Variants in ZHX2 observed in about 807,000 individuals in gnomAD.
ZHX2 encodes zinc fingers and homeoboxes 2.
Under a neutral mutation model 21.9 loss-of-function variants are expected in ZHX2, and 6 were observed. The observed-to-expected ratio is 0.27, with a 90% confidence interval of 0.15 to 0.54. ZHX2 has a LOEUF of 0.54. Among genes scored for constraint, ZHX2 ranks in the 20% least tolerant of loss-of-function variants. ZHX2 has a pLI of 0.95. For synonymous variants in ZHX2, 434 were observed against 437.1 expected (o/e 0.99, Z 0.09); for missense variants, 908 against 1,090.7 (o/e 0.83, Z 2.36).
intron 1 of ZHX2, among the ~76,000 whole-genome samples, chr8:122,843,423 A>G (rs1381900739): frequency 6.6e-6 from 1 of 152,208 alleles, no homozygotes; most frequent in African/African-American, 2.4e-5. Context: ...CCAGGTTCAG[A>G]CAGGGGTCAT....
chr8:122,916,008 C>T (rs867555886), intron 2 of ZHX2, among the ~76,000 whole-genome samples: 31 of 152,180 alleles, frequency 2.0e-4, no homozygotes, highest in African/African-American at 5.8e-4. Context: ...CTCTAGTTCC[C>T]GGGCCATCTC....
chr8:122,892,680 A>G (rs1223865046), intron 2 of ZHX2, among the ~76,000 whole-genome samples: 1 of 151,454 alleles, frequency 6.6e-6, no homozygotes. Context: ...GTCTTTTTTT[A>G]TTTTTTATTT....
At chr8:122,812,670 C>T (rs1817955095) in intron 1 of ZHX2, among the ~76,000 whole-genome samples, 1 of 152,148 alleles carries the variant, frequency 6.6e-6, no homozygotes, top group Non-Finnish European at 1.5e-5. Context: ...ATGTTAACTA[C>T]AGTATTTCCT....
chr8:122,956,115 G>C (rs1160961769), intron 3 of ZHX2, among the ~76,000 whole-genome samples: 1 of 152,118 alleles, frequency 6.6e-6, no homozygotes, highest in Non-Finnish European at 1.5e-5. Flanking sequence ...AAAGTGCTGG[G>C]ATTACAGGCG....
intron 2 of ZHX2, among the ~76,000 whole-genome samples, chr8:122,895,103 C>T (rs1820066265): frequency 6.6e-6 from 1 of 152,190 alleles, no homozygotes; most frequent in Non-Finnish European, 1.5e-5. Flanking sequence ...TCCCTCATCC[C>T]TCTCCCCAGG....
At chr8:122,817,527 A>C (rs1300608418) in intron 1 of ZHX2, among the ~76,000 whole-genome samples, 1 of 152,208 alleles carries the variant, frequency 6.6e-6, no homozygotes, top group African/African-American at 2.4e-5. Context: ...AGCATGGGAA[A>C]AGGGGGCTGC....
At chr8:122,963,615 T>C (rs1337246279) in intron 3 of ZHX2, among the ~76,000 whole-genome samples, 1 of 152,196 alleles carries the variant, frequency 6.6e-6, no homozygotes, top group African/African-American at 2.4e-5. Flanking sequence ...GGCTCTTTTT[T>C]GGTTTCATAT....
At chr8:122,905,552 G>A (rs1368332186) in intron 2 of ZHX2, among the ~76,000 whole-genome samples, 3 of 152,210 alleles carry the variant, frequency 2.0e-5, no homozygotes. Flanking sequence ...GGAAATGATA[G>A]AAGGATTCTT....
chr8:122,952,584 G>T lies in ZHX2; in HGVS notation c.1074G>T (p.Thr358=). ...LPAQLAPTKV[T]QPILQTALPC... is the part of the protein sequence containing the mutation. ...CCCAGTTGGCCCCCACAAAGGTGAC[G>T]CAGCCCATCCTCCAGACGGCTCTAC... The change falls in exon 3 of 4, where the codon ACG becomes ACT. Residue 358 remains threonine (T), a synonymous_variant. Transcript: ENST00000314393. This position sits in a 1 kb window ranked among gnomAD's most constrained non-coding sequence, Gnocchi z 6.9. 1 of 1,614,132 alleles carries T rather than the reference G, an allele frequency of 6.2e-7. No homozygotes were observed. Among genetic ancestry groups the T allele is most frequent in the Admixed American group, 1.7e-5 (1 of 60,024 alleles).
chr8:122,907,313 C>T (rs1301690284), intron 2 of ZHX2, among the ~76,000 whole-genome samples: 2 of 152,036 alleles, frequency 1.3e-5, no homozygotes, highest in African/African-American at 2.4e-5. Context: ...TACATTGGTT[C>T]GGTCTAGAAA....
chr8:122,938,933 G>T (rs1812772365), intron 2 of ZHX2, among the ~76,000 whole-genome samples: 1 of 152,172 alleles, frequency 6.6e-6, no homozygotes, highest in Non-Finnish European at 1.5e-5. Flanking sequence ...TCAGTGATGG[G>T]GGATATATTT....
chr8:122,822,507 G>A (rs925715261), intron 1 of ZHX2, among the ~76,000 whole-genome samples: 4 of 152,164 alleles, frequency 2.6e-5, no homozygotes, highest in African/African-American at 9.7e-5. Context: ...ACTGCAAATG[G>A]CAGGATTTAC....
chr8:122,953,676 C>T lies in ZHX2; in HGVS notation c.2166C>T (p.Asn722=), dbSNP rs1162453156. The T allele has an allele frequency of 6.2e-6, 10 of 1,614,198 alleles. No individual in the cohort carries two copies. Among genetic ancestry groups the T allele is most frequent in the East Asian group, 2.2e-5 (1 of 44,882 alleles). The change falls in exon 3 of 4, where the codon AAC becomes AAT. Residue 722 remains asparagine, a synonymous_variant. Coordinates refer to ENST00000314393, the MANE Select transcript of ZHX2 (RefSeq NM_014943.5). This position sits in a 1 kb window ranked among gnomAD's most constrained non-coding sequence, Gnocchi z 4.6. The part of the protein sequence containing the change: ...ATKPMAESPK[N]GGDVVPQYYK... The stretch of plus-strand genomic sequence containing the variant: ...AACCCATGGCCGAGAGCCCAAAGAA[C>T]GGGGGTGATGTGGTTCCACAATATT...
chr8:122,964,432 T>C (rs1813529769), intron 3 of ZHX2, among the ~76,000 whole-genome samples: 1 of 152,130 alleles, frequency 6.6e-6, no homozygotes, highest in Non-Finnish European at 1.5e-5. Flanking sequence ...TTTTTTTTAA[T>C]GTGGTGTATC....
intron 1 of ZHX2, among the ~76,000 whole-genome samples, chr8:122,841,318 G>A (rs1398066777): frequency 6.6e-6 from 1 of 152,156 alleles, no homozygotes; most frequent in African/African-American, 2.4e-5. Flanking sequence ...TGTCTTTCCT[G>A]TATTCAATCC....
chr8:122,915,204 G>A (rs919332880), intron 2 of ZHX2, among the ~76,000 whole-genome samples: 1 of 152,228 alleles, frequency 6.6e-6, no homozygotes, highest in African/African-American at 2.4e-5. Context: ...GACAACACTA[G>A]AAGGAGTATC....
At chr8:122,872,064 T>A (rs1819454721) in intron 2 of ZHX2, among the ~76,000 whole-genome samples, 1 of 152,122 alleles carries the variant, frequency 6.6e-6, no homozygotes, top group South Asian at 2.1e-4. Context: ...CTATGAAAAA[T>A]CAGCATAGGC....
In ZHX2 at chr8:122,955,839, A is replaced by ATTTTTTTTTTTTTTTTTTT. The variant is rs540333833; in HGVS notation, c.*4+1816_*4+1834dup. ...CCTCCCTCATTAAAATGAGGGAGTG[A>ATTTTTTTTTTTTTTTTTTT]TTTTTTTTTTTTTTTTTTTTTTTGA... On this transcript the variant is annotated intron_variant, in intron 3 of 3. Coordinates refer to ENST00000314393, the MANE Select transcript of ZHX2 (RefSeq NM_014943.5). Among the ~76,000 whole-genome samples, 13 of 104,902 alleles carry ATTTTTTTTTTTTTTTTTTT rather than the reference A, an allele frequency of 1.2e-4. 1 individual carries two copies. Among genetic ancestry groups the ATTTTTTTTTTTTTTTTTTT allele is most frequent in the East Asian group, 3.1e-4 (1 of 3,218 alleles). 68.8% of individuals were successfully genotyped at this position (104,902 alleles called of 152,430 possible).
intron 3 of ZHX2, among the ~76,000 whole-genome samples, chr8:122,961,831 T>C (rs1586428506): frequency 6.6e-6 from 1 of 152,190 alleles, no homozygotes; most frequent in East Asian, 1.9e-4. Flanking sequence ...ACACAAAGCC[T>C]AACAATATCA....
Sources: allele counts gnomAD v4.1 joint callset (sites outside exome capture counted in the v4.1 genomes callset), GRCh38; gene constraint gnomAD v4.1.1; non-coding constraint Gnocchi (gnomAD v3.1); transcripts MANE v1.5; gene names NCBI Gene and HGNC (gene_info 2026-07-23, HGNC 2026-07-21).